Variants in ZC3H12C observed in about 807,000 individuals in gnomAD.
ZC3H12C encodes the protein zinc finger CCCH-type containing 12C, also known as probable ribonuclease ZC3H12C.
ZC3H12C carries 20 observed loss-of-function variants against 76.3 expected under a neutral mutation model. The observed-to-expected ratio is 0.26, with a 90% CI of 0.18 to 0.38. The LOEUF (loss-of-function observed/expected upper bound fraction) is 0.38, where lower values mean the gene tolerates loss of function less well. ZC3H12C is among the 10% of genes least tolerant of loss of function. The probability of loss-of-function intolerance (pLI) is 1.00; values close to 1 mark genes in which losing one functional copy is unlikely to be tolerated. For synonymous variants in ZC3H12C, 352 were observed against 399.6 expected, an observed-to-expected ratio of 0.88 and a Z score of 1.42; for missense variants, 874 against 1,086.5, an observed-to-expected ratio of 0.80 and a Z score of 2.75.
chr11:110,117,189 AG>A (rs58489086), intron 1 of ZC3H12C, among the ~76,000 whole-genome samples: 2,022 of 152,334 alleles, frequency 0.013, 38 homozygotes, highest in African/African-American at 0.046. Context: ...ATAGGTTTAA[AG>A]AAAGTGACAA....
intron 2 of ZC3H12C, among the ~76,000 whole-genome samples, chr11:110,148,052 GA>G (rs1862202888): frequency 6.6e-6 from 1 of 152,222 alleles, no homozygotes; most frequent in Admixed American, 6.5e-5. Context: ...AGAAAAAGCA[GA>G]AGGAGCAACA....
In ZC3H12C at chr11:110,164,311, C is replaced by T. The variant is rs780717731; in HGVS notation, c.1256-30C>T. ...AGTTTTCAGGATCTGATGGTATGCT[C>T]CTTTGCCTAATTAATTTTACTCTTC... is the stretch of plus-strand genomic sequence containing the variant. On this transcript the variant is annotated intron_variant, in intron 5 of 5. Transcript: ENST00000278590. This position sits in a 1 kb window ranked among gnomAD's most constrained non-coding sequence, Gnocchi z 5.7. The T allele has an allele frequency of 1.3e-6, 2 of 1,539,966 alleles. No individual in the cohort carries two copies. The highest frequency in any genetic ancestry group is 1.7e-6 in the Non-Finnish European group (2 of 1,144,700).
chr11:110,163,455 A>T (rs937383029), intron 5 of ZC3H12C, 76 bp downstream of exon 5: 48 of 1,261,224 alleles, frequency 3.8e-5, no homozygotes, highest in Non-Finnish European at 5.1e-5. Flanking sequence ...ACAAAAATGA[A>T]CACTTAAAAT....
At chr11:110,108,465 TTAAA>T (rs1205359085) in intron 1 of ZC3H12C, among the ~76,000 whole-genome samples, 4 of 152,252 alleles carry the variant, frequency 2.6e-5, no homozygotes, top group Non-Finnish European at 5.9e-5. Context: ...GAGGTTTTTA[TTAAA>T]TAGTTTTTGT....
chr11:110,164,603 G>T lies in ZC3H12C; in HGVS notation c.1518G>T (p.Lys506Asn). The change falls in exon 6 of 6, where the codon AAG (lysine) becomes AAT (asparagine). Residue 506 changes from lysine (K) to asparagine (N), a missense_variant. By Grantham distance (94) the Lys-to-Asn change is moderately conservative (BLOSUM62 0). This residue lies in a region of ZC3H12C where 269 missense variants were observed against 424.9 expected (regional missense o/e 0.63). Transcript: ENST00000278590. The surrounding 1 kb of genome is among the most constrained non-coding windows in gnomAD (Gnocchi z 5.7). Reference sequence around the variant, plus strand: ...AAGTCTACCAAGACCTAGAAGAAAAGCTTCCCACCAAAAACAAATTGGAAA... The same window carrying T: ...AAGTCTACCAAGACCTAGAAGAAAATCTTCCCACCAAAAACAAATTGGAAA... ...RTQVYQDLEE[K>N]LPTKNKLETR... The T allele has an allele frequency of 6.2e-7, 1 of 1,613,920 alleles. No individual in the cohort carries two copies. Among genetic ancestry groups the T allele is most frequent in the Non-Finnish European group, 8.5e-7 (1 of 1,179,874 alleles).
At chr11:110,135,633 A>C (rs913966964) in intron 1 of ZC3H12C, among the ~76,000 whole-genome samples, 4 of 152,154 alleles carry the variant, frequency 2.6e-5, no homozygotes, top group Non-Finnish European at 5.9e-5. Context: ...AAATAGTAAA[A>C]TGGCAAAAAA....
chr11:110,144,854 T>G (rs1034170480), intron 2 of ZC3H12C, among the ~76,000 whole-genome samples: 1 of 152,184 alleles, frequency 6.6e-6, no homozygotes, highest in East Asian at 1.9e-4. Context: ...TTTTTCCATG[T>G]TTTTCAATTA....
At chr11:110,162,432 G>C (rs926257558) in intron 4 of ZC3H12C, among the ~76,000 whole-genome samples, 4 of 152,036 alleles carry the variant, frequency 2.6e-5, no homozygotes, top group Admixed American at 6.6e-5. Flanking sequence ...CTCCTGTAAG[G>C]GTTCATACAT....
chr11:110,145,719 G>A (rs1233690422), intron 2 of ZC3H12C, among the ~76,000 whole-genome samples: 1 of 152,118 alleles, frequency 6.6e-6, no homozygotes, highest in African/African-American at 2.4e-5. Flanking sequence ...TAGCATGGAA[G>A]ATCCCCAGCA....
intron 1 of ZC3H12C, among the ~76,000 whole-genome samples, chr11:110,114,883 T>G (rs1279864024): frequency 6.6e-6 from 1 of 152,206 alleles, no homozygotes; most frequent in African/African-American, 2.4e-5. Flanking sequence ...TTCAATAATT[T>G]ATAGATCTTT....
In ZC3H12C at chr11:110,157,474, G is replaced by C. The variant is rs1256900858; in HGVS notation, c.914-1782G>C. ...TTTTAAGACAGAGTCTCGCTCTGTTGCCCAGGCTGGAGAGCAGTGGCGTGA... is the reference window on the plus strand; with the variant it reads ...TTTTAAGACAGAGTCTCGCTCTGTTCCCCAGGCTGGAGAGCAGTGGCGTGA... On this transcript the variant is annotated intron_variant, in intron 3 of 5. Transcript: ENST00000278590. 5.1e-5 allele frequency among the ~76,000 whole-genome samples: 7 copies of C among 136,864 alleles called. No individual in the cohort carries two copies. The South Asian group carries it at 1.7e-3, about 32-fold the overall frequency. 89.8% of individuals were successfully genotyped at this position (136,864 alleles called of 152,430 possible).
intron 2 of ZC3H12C, among the ~76,000 whole-genome samples, chr11:110,139,204 A>G (rs756794661): frequency 6.6e-6 from 1 of 152,202 alleles, no homozygotes; most frequent in South Asian, 2.1e-4. Flanking sequence ...TCTTTCTTTC[A>G]TTTATTAGCA....
chr11:110,121,595 A>G (rs1010648939), intron 1 of ZC3H12C, among the ~76,000 whole-genome samples: 2 of 75,900 alleles, frequency 2.6e-5, no homozygotes, highest in African/African-American at 1.1e-4. Flanking sequence ...CTAACACAGC[A>G]GTTCCTTTTT....
chr11:110,138,193 A>G (rs1276496843), intron 2 of ZC3H12C, among the ~76,000 whole-genome samples: 1 of 151,776 alleles, frequency 6.6e-6, no homozygotes, highest in Non-Finnish European at 1.5e-5. Context: ...CAATCAGCTT[A>G]TGGGTAACTG....
chr11:110,163,507 T>C, intron 5 of ZC3H12C, 128 bp downstream of exon 5: 1 of 655,610 alleles, frequency 1.5e-6, no homozygotes, highest in Non-Finnish European at 2.4e-6. Flanking sequence ...TCCAGATAAA[T>C]TTCAGAAAAC....
chr11:110,121,275 G>T (rs1479264501), intron 1 of ZC3H12C, among the ~76,000 whole-genome samples: 1 of 152,168 alleles, frequency 6.6e-6, no homozygotes, highest in African/African-American at 2.4e-5. Context: ...TATTGATTTA[G>T]CACATTTGTA....
In ZC3H12C at chr11:110,126,110, G is replaced by A. The variant is rs112974659; in HGVS notation, c.22-10553G>A. Among the ~76,000 whole-genome samples, 344 of 151,864 alleles carry A rather than the reference G, an allele frequency of 2.3e-3. 5 individuals carry two copies. Among genetic ancestry groups the A allele is most frequent in the African/African-American group, 8.0e-3 (333 of 41,410 alleles). ...CATCTATTATTTTTATTTACCTATT[G>A]GTAGTTGCTTAGTATTTTTAGGAGC... On this transcript the variant is annotated intron_variant, in intron 1 of 5. Coordinates refer to ENST00000278590, the MANE Select transcript of ZC3H12C (RefSeq NM_033390.2).
At chr11:110,153,923 C>T (rs1862323209) in intron 3 of ZC3H12C, among the ~76,000 whole-genome samples, 1 of 152,244 alleles carries the variant, frequency 6.6e-6, no homozygotes, top group African/African-American at 2.4e-5. Flanking sequence ...TGCTCAATTA[C>T]AGTGATTTAC....
At chr11:110,125,441 C>T (rs1030511053) in intron 1 of ZC3H12C, among the ~76,000 whole-genome samples, 6 of 152,070 alleles carry the variant, frequency 3.9e-5, no homozygotes, top group African/African-American at 1.2e-4. Flanking sequence ...CTGCCTCAGC[C>T]TCCCGAATAA....
Sources: gnomAD v4.1 joint callset for allele counts (sites outside exome capture counted in the v4.1 genomes callset) on GRCh38, gnomAD v4.1.1 for gene constraint, gnomAD v4.1.1 regional missense constraint, Gnocchi (gnomAD v3.1) non-coding constraint, MANE v1.5 for transcripts, NCBI Gene and HGNC (gene_info 2026-07-23, HGNC 2026-07-21) for gene names.